Variants in KLF13 observed in about 807,000 individuals in gnomAD.
KLF13 encodes the protein KLF transcription factor 13, also known as Krueppel-like factor 13.
In KLF13, 8 loss-of-function variants were observed where a neutral mutation model predicts 16.7. The observed-to-expected ratio is 0.48, with a 90% CI of 0.28 to 0.87. The LOEUF (loss-of-function observed/expected upper bound fraction) is 0.87. Among genes scored for constraint, KLF13 ranks in the 40% least tolerant of loss-of-function variants. The pLI, the probability that KLF13 is intolerant of heterozygous loss-of-function variation, is 0.10. For missense variants in KLF13, 447 were observed against 452.2 expected (o/e 0.99, Z 0.10); for synonymous variants, 245 against 208.4 (o/e 1.18, Z -1.51).
intron 1 of KLF13, among the ~76,000 whole-genome samples, chr15:31,336,781 G>T (rs924527340): frequency 6.6e-6 from 1 of 152,118 alleles, no homozygotes; most frequent in African/African-American, 2.4e-5. Context: ...ATTGGTCTCG[G>T]GTTACCAAAA....
At chr15:31,335,922 G>A (rs1337597650) in intron 1 of KLF13, among the ~76,000 whole-genome samples, 4 of 152,246 alleles carry the variant, frequency 2.6e-5, no homozygotes, top group African/African-American at 9.6e-5. Flanking sequence ...TTACCAAAGA[G>A]CATGTGGCTC....
chr15:31,347,629 A>C (rs1449615017), intron 1 of KLF13, among the ~76,000 whole-genome samples: 4 of 152,150 alleles, frequency 2.6e-5, no homozygotes, highest in Non-Finnish European at 5.9e-5. Flanking sequence ...AGTAGGGGAG[A>C]GAGGCGGGGC....
intron 1 of KLF13, among the ~76,000 whole-genome samples, chr15:31,345,966 G>A (rs2039109239): frequency 1.3e-5 from 2 of 152,108 alleles, no homozygotes; most frequent in Admixed American, 1.3e-4. Flanking sequence ...GGTTCTAGAG[G>A]AAGAGTATCT....
At chr15:31,363,496 T>C (rs1005980061) in intron 1 of KLF13, among the ~76,000 whole-genome samples, 4 of 152,218 alleles carry the variant, frequency 2.6e-5, no homozygotes, top group Non-Finnish European at 5.9e-5. Context: ...ATAGATTGAT[T>C]GATTGATTGA....
chr15:31,348,914 A>T (rs1419433496), intron 1 of KLF13, among the ~76,000 whole-genome samples: 1 of 152,158 alleles, frequency 6.6e-6, no homozygotes, highest in Non-Finnish European at 1.5e-5. Context: ...GTCACATAGT[A>T]GAGGGAGCAA....
At chr15:31,398,868 C>A (rs1010330967) in intron 2 of KLF13, among the ~76,000 whole-genome samples, 1 of 152,178 alleles carries the variant, frequency 6.6e-6, no homozygotes, top group Non-Finnish European at 1.5e-5. Context: ...GCCCTACAGT[C>A]GCCTAGTGCT....
At chr15:31,427,208 C>T (rs1377364553) in intron 1 of KLF13, among the ~76,000 whole-genome samples, 1 of 152,106 alleles carries the variant, frequency 6.6e-6, no homozygotes, top group Non-Finnish European at 1.5e-5. Context: ...ATCCATCTCT[C>T]ACTGGTTTTA....
intron 1 of KLF13, among the ~76,000 whole-genome samples, chr15:31,433,916 T>C (rs1247129935): frequency 2.0e-5 from 3 of 152,226 alleles, no homozygotes; most frequent in Non-Finnish European, 4.4e-5. Flanking sequence ...TTATCTGCCC[T>C]CGCCATGTGA....
Position 31,327,028 on chromosome 15 carries a change from C to A in KLF13, c.-185C>A. ...ACTCTTCGGTGCCCGGCCGGGCCGG[C>A]GCCTCGCAGACGCGGAGCCGCGCGG... On this transcript the variant is annotated 5_prime_UTR_variant, in exon 1 of 2. Transcript: ENST00000307145. 2.9e-6 allele frequency: 1 copy of A among 339,892 alleles called. No individual in the cohort carries two copies. The highest frequency in any genetic ancestry group is 4.4e-6 in the Non-Finnish European group (1 of 229,884). The allele number at this position is 339,892 out of a possible 1,614,324, so 21.1% of individuals were successfully genotyped here. A position where few individuals can be genotyped will look rare whatever the true frequency, so the allele number is the denominator to read the frequency against.
chr15:31,328,098 C>A (rs1446852045), intron 1 of KLF13, among the ~76,000 whole-genome samples: 1 of 149,608 alleles, frequency 6.7e-6, no homozygotes, highest in Non-Finnish European at 1.5e-5. Flanking sequence ...GGGGACCCCT[C>A]CCGGCCGGGA....
At chr15:31,428,561 C>T (rs559616186) in intron 1 of KLF13, among the ~76,000 whole-genome samples, 123 of 152,082 alleles carry the variant, frequency 8.1e-4, no homozygotes, top group African/African-American at 2.9e-3. Flanking sequence ...CATCCCAGCA[C>T]TTTGGGAGTC....
chr15:31,337,756 A>G (rs1012708840), intron 1 of KLF13, among the ~76,000 whole-genome samples: 1 of 152,180 alleles, frequency 6.6e-6, no homozygotes, highest in Non-Finnish European at 1.5e-5. Context: ...GTCTTATGGG[A>G]CCAGCCTCTC....
intron 1 of KLF13, among the ~76,000 whole-genome samples, chr15:31,386,254 T>G (rs1595490207): frequency 6.6e-6 from 1 of 152,188 alleles, no homozygotes; most frequent in South Asian, 2.1e-4. Context: ...TCCTAGCATT[T>G]TGGGAGACCA....
intron 1 of KLF13, among the ~76,000 whole-genome samples, chr15:31,417,527 T>C (rs751762246): frequency 1.3e-5 from 2 of 151,900 alleles, no homozygotes; most frequent in Non-Finnish European, 2.9e-5. Context: ...TTATCTAGTC[T>C]CTGGTATTCT....
At chr15:31,389,879 C>T (rs796972270), upstream of KLF13, among the ~76,000 whole-genome samples, 135 of 152,270 alleles carry the variant, frequency 8.9e-4, no homozygotes, top group African/African-American at 3.1e-3. Flanking sequence ...ATCAACACCA[C>T]CACCACCGTC....
intron 1 of KLF13, among the ~76,000 whole-genome samples, chr15:31,337,640 AAGCCGGTAC>A (rs1404076483): frequency 6.6e-6 from 1 of 152,252 alleles, no homozygotes; most frequent in Non-Finnish European, 1.5e-5. Flanking sequence ...TCTAGGCTGC[AAGCCGGTAC>A]AGTATAGTAC....
chr15:31,331,498 GCTCCCTGCAGGTC>G (rs985365883), intron 1 of KLF13, among the ~76,000 whole-genome samples: 2 of 151,582 alleles, frequency 1.3e-5, no homozygotes, highest in Non-Finnish European at 3.0e-5. Flanking sequence ...CGCCCCTTGG[GCTCCCTGCAGGTC>G]CTCCCTGATG....
At chr15:31,422,146 AAAG>A (rs1265882847) in intron 1 of KLF13, among the ~76,000 whole-genome samples, 1 of 141,034 alleles carries the variant, frequency 7.1e-6, no homozygotes, top group African/African-American at 2.6e-5. Flanking sequence ...AAAAAAAAAA[AAAG>A]AAAAAAGAAA....
intron 1 of KLF13, among the ~76,000 whole-genome samples, chr15:31,422,693 A>G (rs1015771793): frequency 2.0e-5 from 3 of 152,306 alleles, no homozygotes; most frequent in Admixed American, 2.0e-4. Context: ...AATAGACTCT[A>G]AGACAAAAAC....
Sources: gnomAD v4.1 joint callset for allele counts (sites outside exome capture counted in the v4.1 genomes callset) on GRCh38, gnomAD v4.1.1 for gene constraint, MANE v1.5 for transcripts, NCBI Gene and HGNC (gene_info 2026-07-23, HGNC 2026-07-21) for gene names.